CNTNAP2: variants seen among roughly 807,000 people sequenced by gnomAD.
CNTNAP2 encodes the protein contactin associated protein 2, also known as contactin-associated protein-like 2.
CNTNAP2 carries 98 observed loss-of-function variants against 155.2 expected under a neutral mutation model. The ratio of observed to expected loss-of-function variants is 0.63; its 90% CI spans 0.54 to 0.75. The LOEUF (loss-of-function observed/expected upper bound fraction) is 0.75. Among genes scored for constraint, CNTNAP2 ranks in the 30% least tolerant of loss-of-function variants. The pLI, the probability that CNTNAP2 is intolerant of heterozygous loss-of-function variation, is 0.00. For missense variants in CNTNAP2, 1,727 were observed against 1,688.1 expected, an observed-to-expected ratio of 1.02 and a Z score of -0.40; for synonymous variants, 651 against 631.2, an observed-to-expected ratio of 1.03 and a Z score of -0.47.
At chr7:147,183,761 C>T (rs1802512844) in intron 8 of CNTNAP2, among the ~76,000 whole-genome samples, 1 of 152,094 alleles carries the variant, frequency 6.6e-6, no homozygotes, top group African/African-American at 2.4e-5. Context: ...TGGGGATAGT[C>T]TCCATGGTCT....
At chr7:147,129,597 T>G (rs1308530348) in intron 7 of CNTNAP2, among the ~76,000 whole-genome samples, 1 of 152,160 alleles carries the variant, frequency 6.6e-6, no homozygotes, top group Non-Finnish European at 1.5e-5. Flanking sequence ...AGAGGCTATT[T>G]GGGAGAGCTT....
intron 21 of CNTNAP2, among the ~76,000 whole-genome samples, chr7:148,364,865 C>T (rs898854214): frequency 4.6e-5 from 7 of 152,200 alleles, no homozygotes; most frequent in South Asian, 4.1e-4. Context: ...TGCAATAAAT[C>T]TTGCTACTGC....
At chr7:146,759,231 C>T (rs1017473584) in intron 1 of CNTNAP2, among the ~76,000 whole-genome samples, 1 of 151,910 alleles carries the variant, frequency 6.6e-6, no homozygotes, top group Non-Finnish European at 1.5e-5. Flanking sequence ...TTAGATTACC[C>T]CCAGATGCCC....
At chr7:147,947,334 C>T (rs973569523) in intron 14 of CNTNAP2, among the ~76,000 whole-genome samples, 8 of 151,098 alleles carry the variant, frequency 5.3e-5, no homozygotes, top group South Asian at 2.1e-4. Context: ...AAGGAAATTC[C>T]GGTTCTGGTA....
intron 13 of CNTNAP2, among the ~76,000 whole-genome samples, chr7:147,898,751 C>T (rs750247518): frequency 6.6e-6 from 1 of 152,134 alleles, no homozygotes; most frequent in African/African-American, 2.4e-5. Context: ...AACTCCTGAC[C>T]TTGTGATCTG....
chr7:146,194,402 C>G (rs1261251984), intron 1 of CNTNAP2, among the ~76,000 whole-genome samples: 1 of 152,154 alleles, frequency 6.6e-6, no homozygotes, highest in Non-Finnish European at 1.5e-5. Context: ...TGGTTGCAGG[C>G]AAGAGAACGT....
chr7:147,052,762 T>C (rs1030772208), intron 4 of CNTNAP2, among the ~76,000 whole-genome samples: 9 of 151,966 alleles, frequency 5.9e-5, no homozygotes, highest in African/African-American at 2.2e-4. Context: ...TAACTTAACA[T>C]AAAAATAGAT....
At chr7:147,693,197 G>T (rs763858246) in intron 13 of CNTNAP2, among the ~76,000 whole-genome samples, 1 of 151,968 alleles carries the variant, frequency 6.6e-6, no homozygotes, top group Non-Finnish European at 1.5e-5. Context: ...GTTCTGTTCA[G>T]CTAATCTATT....
At chr7:147,758,177 TG>T (rs1640536559) in intron 13 of CNTNAP2, among the ~76,000 whole-genome samples, 1 of 152,244 alleles carries the variant, frequency 6.6e-6, no homozygotes, top group African/African-American at 2.4e-5. Flanking sequence ...ATTACAAAAC[TG>T]GCACAAAGGC....
intron 14 of CNTNAP2, among the ~76,000 whole-genome samples, chr7:147,935,791 C>G (rs562114060): frequency 1.6e-3 from 241 of 152,240 alleles, no homozygotes; most frequent in African/African-American, 5.5e-3. Context: ...ATTAACTATA[C>G]TGCCTTTATT....
chr7:148,021,659 A>G (rs967856849), intron 15 of CNTNAP2, among the ~76,000 whole-genome samples: 5 of 152,230 alleles, frequency 3.3e-5, no homozygotes, highest in Non-Finnish European at 7.3e-5. Context: ...GTGAGCTGGA[A>G]AGCTACTCTG....
At chr7:147,934,056 C>G (rs1800560227) in intron 14 of CNTNAP2, among the ~76,000 whole-genome samples, 1 of 152,052 alleles carries the variant, frequency 6.6e-6, no homozygotes, top group Admixed American at 6.6e-5. Context: ...CAGGGGCTGG[C>G]AAGAGGGGAA....
chr7:146,723,838 T>G (rs1366117139), intron 1 of CNTNAP2, among the ~76,000 whole-genome samples: 1 of 152,222 alleles, frequency 6.6e-6, no homozygotes, highest in Non-Finnish European at 1.5e-5. Flanking sequence ...TTCAGAATTC[T>G]CTATAGGCTA....
chr7:146,609,339 A>T (rs1434378687), intron 1 of CNTNAP2, among the ~76,000 whole-genome samples: 1 of 152,090 alleles, frequency 6.6e-6, no homozygotes, highest in African/African-American at 2.4e-5. Flanking sequence ...GGATTGTGGA[A>T]TTTTTTTCCA....
Position 148,383,794 on chromosome 7 carries a change from C to T in CNTNAP2, c.3621C>T (p.Gly1207=), listed in dbSNP as rs1387218532. 6.2e-7 allele frequency: 1 copy of T among 1,614,170 alleles called. No homozygotes were observed. Among genetic ancestry groups the T allele is most frequent in the Non-Finnish European group, 8.5e-7 (1 of 1,180,038 alleles). ...CCTCGGCTCACGTCCACATCCAGGG[C>T]GAGCTGGTGGAGTCCAACTGCGGGG... ...TNASAHVHIQ[G]ELVESNCGAS... Residue 1207 remains glycine, a synonymous_variant, in exon 22 of 24, where the codon GGC becomes GGT. Transcript: ENST00000361727.
At chr7:146,969,916 A>G (rs1458720176) in intron 3 of CNTNAP2, among the ~76,000 whole-genome samples, 1 of 152,214 alleles carries the variant, frequency 6.6e-6, no homozygotes, top group Non-Finnish European at 1.5e-5. Context: ...CATATCTACA[A>G]CTATCTGATC....
chr7:147,635,524 T>C (rs1795165140), intron 12 of CNTNAP2, among the ~76,000 whole-genome samples: 1 of 152,140 alleles, frequency 6.6e-6, no homozygotes, highest in Non-Finnish European at 1.5e-5. Flanking sequence ...TAATATTTGT[T>C]GAATGCATGG....
intron 3 of CNTNAP2, among the ~76,000 whole-genome samples, chr7:146,901,030 G>GTAGTAA (rs1554406212): frequency 6.7e-6 from 1 of 149,572 alleles, no homozygotes; most frequent in African/African-American, 2.5e-5. Context: ...GATTAAAGTA[G>GTAGTAA]TAATAATAAT....
intron 21 of CNTNAP2, among the ~76,000 whole-genome samples, chr7:148,304,241 G>C (rs1681059786): frequency 6.6e-6 from 1 of 150,564 alleles, no homozygotes; most frequent in African/African-American, 2.4e-5. Context: ...TCAAAGAAGG[G>C]AGGTGCTTTG....
Sources: allele counts gnomAD v4.1 joint callset (sites outside exome capture counted in the v4.1 genomes callset), GRCh38; gene constraint gnomAD v4.1.1; transcripts MANE v1.5; gene names NCBI Gene and HGNC (gene_info 2026-07-23, HGNC 2026-07-21).